The following DLGAP1 variants were observed in gnomAD, a reference collection of about 807,000 sequenced individuals.
DLGAP1 encodes the protein disks large-associated protein 1.
Under a neutral mutation model 90.8 loss-of-function variants are expected in DLGAP1, and 11 were observed. The ratio of observed to expected loss-of-function variants is 0.12; its 90% CI spans 0.08 to 0.20. The LOEUF (loss-of-function observed/expected upper bound fraction) is 0.20, where lower values mean the gene tolerates loss of function less well. Ranked by LOEUF, DLGAP1 falls within the 10% of genes least tolerant of loss-of-function variation. The pLI is 1.00. For missense variants in DLGAP1, 1,050 were observed against 1,333.8 expected, an observed-to-expected ratio of 0.79 and a Z score of 3.31; for synonymous variants, 558 against 540.7, an observed-to-expected ratio of 1.03 and a Z score of -0.44.
chr18:4,402,548 C>T (rs2082577348), intron 1 of DLGAP1, among the ~76,000 whole-genome samples: 1 of 152,120 alleles, frequency 6.6e-6, no homozygotes, highest in Non-Finnish European at 1.5e-5. Flanking sequence ...ACGATTCAGA[C>T]AGGGTGAAAT....
At chr18:4,359,236 G>C (rs914167086) in intron 1 of DLGAP1, among the ~76,000 whole-genome samples, 3 of 152,182 alleles carry the variant, frequency 2.0e-5, no homozygotes, top group Admixed American at 1.3e-4. Flanking sequence ...GAAGTGGGAT[G>C]ATCTCTCTGA....
At chr18:3,810,269 G>A (rs911350913) in intron 5 of DLGAP1, among the ~76,000 whole-genome samples, 1 of 152,094 alleles carries the variant, frequency 6.6e-6, no homozygotes, top group African/African-American at 2.4e-5. Flanking sequence ...GGCCTTATAT[G>A]TCTGAGGACC....
chr18:4,148,245 G>GA (rs965361706), intron 2 of DLGAP1, among the ~76,000 whole-genome samples: 2 of 152,100 alleles, frequency 1.3e-5, no homozygotes, highest in East Asian at 1.9e-4. Context: ...TGGAAGGCTT[G>GA]AAAAAAATCA....
chr18:3,946,708 C>T (rs2072885106), intron 3 of DLGAP1, among the ~76,000 whole-genome samples: 2 of 152,124 alleles, frequency 1.3e-5, no homozygotes, highest in Admixed American at 1.3e-4. Context: ...GAAAACCTTT[C>T]TGGAAGAGTC....
At chr18:3,597,795 GGTGT>G in intron 7 of DLGAP1, 1 of 155,740 alleles carries the variant, frequency 6.4e-6, no homozygotes. Context: ...CCTTCCTGTT[GGTGT>G]CAGCACGATG....
rs16946065 is a variant in DLGAP1, at chr18:4,130,686, T to A, written c.-159+20494A>T. Among the ~76,000 whole-genome samples, 7 of 152,016 alleles carry A rather than the reference T, an allele frequency of 4.6e-5. 1 individual carries two copies. The highest frequency in any genetic ancestry group is 1.7e-4 in the African/African-American group (7 of 41,382). The stretch of plus-strand genomic sequence containing the variant: ...ATCGCACACACATACACACAGAACA[T>A]GAACACGGACCACAAGAGAGCGGCA... On this transcript the variant is annotated intron_variant, in intron 2 of 12. Transcript: ENST00000315677.
rs777194556 is a variant in DLGAP1 at position 3,496,767 on chromosome 18, T to C, written c.*2418A>G. Reference sequence around the variant, plus strand: ...AGGGGTCAAGCAGCATTGTGTGGGGTCATGTTCTAACACCAATAATTAGCT... The same window carrying C: ...AGGGGTCAAGCAGCATTGTGTGGGGCCATGTTCTAACACCAATAATTAGCT... On this transcript the variant is annotated 3_prime_UTR_variant, in exon 13 of 13. Coordinates refer to ENST00000315677, the MANE Select transcript of DLGAP1 (RefSeq NM_004746.4). 6.6e-5 allele frequency: 10 copies of C among 152,186 alleles called. No homozygotes were observed. Among genetic ancestry groups the C allele is most frequent in the Admixed American group, 2.6e-4 (4 of 15,266 alleles). The allele number at this position is 152,186 out of a possible 1,614,324, so 9.4% of individuals were successfully genotyped here.
chr18:3,869,861 G>C (rs534873829), intron 4 of DLGAP1, among the ~76,000 whole-genome samples: 2 of 152,326 alleles, frequency 1.3e-5, no homozygotes, highest in African/African-American at 4.8e-5. Flanking sequence ...TTTTCACACT[G>C]TATTTTTCAT....
chr18:4,265,422 G>GC (rs1283997226), intron 1 of DLGAP1, among the ~76,000 whole-genome samples: 1 of 150,466 alleles, frequency 6.6e-6, no homozygotes, highest in Non-Finnish European at 1.5e-5. Context: ...TCCTGCCTCG[G>GC]CCCCCCAAAG....
intron 1 of DLGAP1, among the ~76,000 whole-genome samples, chr18:4,298,314 C>G (rs2080035144): frequency 6.6e-6 from 1 of 152,166 alleles, no homozygotes; most frequent in Admixed American, 6.5e-5. Context: ...CCATGTTGTT[C>G]AAGGGTCAAC....
rs570281822 is a variant in DLGAP1, at chr18:4,345,996, G to A, written c.-267+109010C>T. Among the ~76,000 whole-genome samples, 12 of 152,190 alleles carry A rather than the reference G, an allele frequency of 7.9e-5. No individual in the cohort carries two copies. The South Asian group carries it at 2.3e-3, about 29-fold the overall frequency. On this transcript the variant is annotated intron_variant, in intron 1 of 12. Coordinates refer to ENST00000315677, the MANE Select transcript of DLGAP1 (RefSeq NM_004746.4). Reference sequence around the variant, plus strand: ...GCTGATCCTTTCAAGAAGGTGTCCCGGGGAAGATCTAAGTAGTAATCACTT... The same window carrying A: ...GCTGATCCTTTCAAGAAGGTGTCCCAGGGAAGATCTAAGTAGTAATCACTT...
chr18:3,928,957 G>A (rs565984358), intron 3 of DLGAP1, among the ~76,000 whole-genome samples: 13 of 152,198 alleles, frequency 8.5e-5, no homozygotes, highest in African/African-American at 2.9e-4. Flanking sequence ...GTGCTGTCTC[G>A]TGATTGAGTT....
intron 2 of DLGAP1, among the ~76,000 whole-genome samples, chr18:4,005,776 A>G (rs958375466): frequency 1.3e-5 from 2 of 152,228 alleles, no homozygotes; most frequent in Admixed American, 6.5e-5. Flanking sequence ...CCTAAAAGCT[A>G]CAGCTTCAAA....
chr18:3,826,779 G>A (rs1298467707), intron 4 of DLGAP1, among the ~76,000 whole-genome samples: 2 of 152,162 alleles, frequency 1.3e-5, no homozygotes, highest in Non-Finnish European at 2.9e-5. Context: ...AGAGAATCAC[G>A]CAGGTTGCTA....
chr18:3,962,193 G>A (rs1344920763), intron 3 of DLGAP1, among the ~76,000 whole-genome samples: 2 of 152,184 alleles, frequency 1.3e-5, no homozygotes, highest in Admixed American at 1.3e-4. Flanking sequence ...AATATCTGCA[G>A]TCCTTCTTTT....
intron 3 of DLGAP1, among the ~76,000 whole-genome samples, chr18:3,888,520 G>A (rs925075685): frequency 1.3e-5 from 2 of 151,562 alleles, no homozygotes; most frequent in African/African-American, 4.9e-5. Flanking sequence ...AAATGCCTTC[G>A]GAGGCATTTC....
At chr18:3,923,960 T>C (rs2072324659) in intron 3 of DLGAP1, among the ~76,000 whole-genome samples, 4 of 152,242 alleles carry the variant, frequency 2.6e-5, no homozygotes, top group Admixed American at 2.0e-4. Context: ...CAAGCAATCC[T>C]GCTTACTGTT....
At position 4,163,192 on chromosome 18, in the gene DLGAP1, CAT is replaced by C. The variant is rs2076875041; in HGVS notation, c.-266-11907_-266-11906del. ...CTTGTCTATGGGCTGAATTGCTGGA[CAT>C]ATATCTTCTAATATACATATACCCA... is the stretch of plus-strand genomic sequence containing the variant. On this transcript the variant is annotated intron_variant, in intron 1 of 12. Transcript: ENST00000315677. Among the ~76,000 whole-genome samples the C allele has an allele frequency of 2.6e-5, 4 of 152,156 alleles. No homozygotes were observed. In the South Asian group the frequency reaches 8.3e-4, roughly 32 times the overall value.
intron 3 of DLGAP1, among the ~76,000 whole-genome samples, chr18:3,938,077 T>G (rs1465677414): frequency 6.6e-6 from 1 of 152,196 alleles, no homozygotes; most frequent in Non-Finnish European, 1.5e-5. Flanking sequence ...ATGGTGTTAG[T>G]AAGTCAAGTG....
Sources: gnomAD v4.1 joint callset for allele counts (sites outside exome capture counted in the v4.1 genomes callset) on GRCh38, gnomAD v4.1.1 for gene constraint, MANE v1.5 for transcripts, NCBI Gene and HGNC (gene_info 2026-07-23, HGNC 2026-07-21) for gene names.